Variants in ZNF407 observed in about 807,000 individuals in gnomAD.
ZNF407 encodes zinc finger protein 407.
Under a neutral mutation model 131.2 loss-of-function variants are expected in ZNF407, and 17 were observed. That is an observed-to-expected ratio of 0.13 (90% CI 0.09 to 0.19). The LOEUF (loss-of-function observed/expected upper bound fraction) is 0.19, where lower values mean the gene tolerates loss of function less well. Among genes scored for constraint, ZNF407 ranks in the 10% least tolerant of loss-of-function variants. ZNF407 has a pLI of 1.00. For missense variants in ZNF407, 2,681 were observed against 2,830.6 expected (o/e 0.95, Z 1.20); for synonymous variants, 1,156 against 1,062.0 (o/e 1.09, Z -1.72).
intron 1 of ZNF407, among the ~76,000 whole-genome samples, chr18:74,598,736 G>T (rs545802332): frequency 6.6e-6 from 1 of 152,398 alleles, no homozygotes; most frequent in South Asian, 2.1e-4. Context: ...GCGGGCAGCA[G>T]TGGGTTTCTC....
chr18:74,887,013 T>G (rs570888290), intron 6 of ZNF407, among the ~76,000 whole-genome samples: 13 of 152,336 alleles, frequency 8.5e-5, no homozygotes, highest in African/African-American at 3.1e-4. Flanking sequence ...GTTTCTCATG[T>G]GTACAGCACT....
At chr18:74,968,931 TC>T (rs1972440268) in intron 8 of ZNF407, among the ~76,000 whole-genome samples, 4 of 152,156 alleles carry the variant, frequency 2.6e-5, no homozygotes, top group Admixed American at 1.3e-4. Flanking sequence ...GTCCCCATGT[TC>T]CCTCGGGCTC....
chr18:74,670,980 T>C (rs1385291721), intron 3 of ZNF407, among the ~76,000 whole-genome samples: 1 of 152,228 alleles, frequency 6.6e-6, no homozygotes, highest in East Asian at 1.9e-4. Context: ...TTGACCATTT[T>C]TGAGTGTGCG....
At chr18:74,636,072 G>A (rs1479100402) in intron 2 of ZNF407, among the ~76,000 whole-genome samples, 1 of 152,138 alleles carries the variant, frequency 6.6e-6, no homozygotes, top group Non-Finnish European at 1.5e-5. Context: ...CAGAAGACAT[G>A]TTAAGTGACT....
At chr18:74,749,456 TACTTAG>T (rs1968747845) in intron 3 of ZNF407, among the ~76,000 whole-genome samples, 1 of 152,198 alleles carries the variant, frequency 6.6e-6, no homozygotes, top group Non-Finnish European at 1.5e-5. Flanking sequence ...CTGCAATTAT[TACTTAG>T]ACTTAGATGT....
chr18:74,633,448 A>G lies in ZNF407; in HGVS notation c.2429A>G (p.Tyr810Cys), dbSNP rs1403423293. Residue 810 changes from tyrosine (Y) to cysteine (C), a missense_variant, in exon 2 of 9, where the codon TAT becomes TGT. Around this residue, in one of 6 missense-constraint regions of ZNF407, gnomAD observed 1,789 missense variants for 1,748.7 expected, o/e 1.02. Coordinates refer to ENST00000299687, the MANE Select transcript of ZNF407 (RefSeq NM_017757.3). ...GGTGTGCAATTACAAGAGCATTCCT[A>G]TCTTGAGAAGGGCATGCTGGCGTCT... is the stretch of plus-strand genomic sequence containing the variant. ...HIGVQLQEHSYLEKGMLASEE... is the reference protein window; with the variant it reads ...HIGVQLQEHSCLEKGMLASEE... The G allele has an allele frequency of 4.3e-6, 7 of 1,613,900 alleles. No individual in the cohort carries two copies. Among genetic ancestry groups the G allele is most frequent in the Admixed American group, 3.3e-5 (2 of 60,004 alleles).
Position 74,969,212 on chromosome 18 carries a change from G to C in ZNF407, c.5428+48520G>C, listed in dbSNP as rs1972444305. Among the ~76,000 whole-genome samples the C allele has an allele frequency of 2.6e-5, 4 of 152,158 alleles. No individual in the cohort carries two copies. In the South Asian group the frequency reaches 8.3e-4, roughly 31 times the overall value. On this transcript the variant is annotated intron_variant, in intron 8 of 8. Coordinates refer to ENST00000299687, the MANE Select transcript of ZNF407 (RefSeq NM_017757.3). ...TGGTGAAAGCATTTTTATGATGCCT[G>C]CTTTAAAATTCTTGTCGGCTTTCTC...
At chr18:75,000,085 C>T (rs1192698260) in intron 8 of ZNF407, among the ~76,000 whole-genome samples, 3 of 152,272 alleles carry the variant, frequency 2.0e-5, no homozygotes, top group South Asian at 2.1e-4. Context: ...GGAAAGAGTA[C>T]GCATAAATGT....
chr18:74,902,706 T>A (rs1293631450), intron 7 of ZNF407, among the ~76,000 whole-genome samples: 1 of 152,198 alleles, frequency 6.6e-6, no homozygotes, highest in African/African-American at 2.4e-5. Flanking sequence ...CTTAATAAAA[T>A]TAATAAAGTA....
chr18:74,940,560 CAAG>C (rs1253464511), intron 8 of ZNF407, among the ~76,000 whole-genome samples: 1 of 152,100 alleles, frequency 6.6e-6, no homozygotes, highest in Non-Finnish European at 1.5e-5. Context: ...GATTTTGAAC[CAAG>C]AAGAAGGGGA....
At chr18:74,898,346 T>G (rs1971480111) in intron 7 of ZNF407, 1 of 152,244 alleles carries the variant, frequency 6.6e-6, no homozygotes. Context: ...TGGATTTTTT[T>G]TCCTATTCAT....
intron 3 of ZNF407, among the ~76,000 whole-genome samples, chr18:74,682,872 TTG>T (rs1471055961): frequency 2.6e-5 from 4 of 152,154 alleles, no homozygotes; most frequent in African/African-American, 4.8e-5. Context: ...TTGCGCTTTG[TTG>T]TGTGTTGTGT....
chr18:74,682,110 G>T (rs1033929574), intron 3 of ZNF407, among the ~76,000 whole-genome samples: 18 of 152,314 alleles, frequency 1.2e-4, no homozygotes, highest in Middle Eastern at 3.4e-3. Context: ...AGTTCATTAT[G>T]TCTGGGATGG....
At chr18:74,921,159 G>A (rs981458569) in intron 8 of ZNF407, 18 of 387,290 alleles carry the variant, frequency 4.6e-5, no homozygotes, top group Non-Finnish European at 5.3e-5. Context: ...GGGTGGTAAC[G>A]GTGCTGTGCG....
At chr18:74,854,310 A>G (rs1309506700) in intron 4 of ZNF407, among the ~76,000 whole-genome samples, 1 of 152,212 alleles carries the variant, frequency 6.6e-6, no homozygotes, top group Non-Finnish European at 1.5e-5. Flanking sequence ...TTGGTATTCT[A>G]ATGTTCTTTG....
chr18:74,788,616 A>G (rs558829820), intron 4 of ZNF407, among the ~76,000 whole-genome samples: 16 of 147,376 alleles, frequency 1.1e-4, no homozygotes, highest in African/African-American at 4.0e-4. Context: ...GTTATCTTGA[A>G]AAAAAAAAAA....
At chr18:74,850,458 C>T (rs1970766201) in intron 4 of ZNF407, among the ~76,000 whole-genome samples, 1 of 152,114 alleles carries the variant, frequency 6.6e-6, no homozygotes, top group South Asian at 2.1e-4. Context: ...ACTCCTTTCC[C>T]TCTTTTCCTC....
At chr18:74,936,073 A>G (rs958717653) in intron 8 of ZNF407, among the ~76,000 whole-genome samples, 1 of 152,104 alleles carries the variant, frequency 6.6e-6, no homozygotes, top group Non-Finnish European at 1.5e-5. Flanking sequence ...ATTTTCTTTT[A>G]CTTTTCACTC....
At chr18:74,860,131 C>A (rs554301112) in intron 4 of ZNF407, among the ~76,000 whole-genome samples, 30 of 152,068 alleles carry the variant, frequency 2.0e-4, no homozygotes, top group South Asian at 4.1e-4. Context: ...CATTACAAGA[C>A]CCTGTCTCTT....
Sources: allele counts gnomAD v4.1 joint callset (sites outside exome capture counted in the v4.1 genomes callset), GRCh38; gene constraint gnomAD v4.1.1; regional missense constraint gnomAD v4.1.1; transcripts MANE v1.5; gene names NCBI Gene and HGNC (gene_info 2026-07-23, HGNC 2026-07-21).